Variants in PIGS observed in about 807,000 individuals in gnomAD.
PIGS encodes the protein phosphatidylinositol glycan anchor biosynthesis class S.
Under a neutral mutation model 58.2 loss-of-function variants are expected in PIGS, and 37 were observed. That is an observed-to-expected ratio of 0.64 (90% CI 0.49 to 0.84). The LOEUF is 0.84. PIGS is among the 40% of genes least tolerant of loss of function. The pLI, the probability that PIGS is intolerant of heterozygous loss-of-function variation, is 0.00. For synonymous variants in PIGS, 269 were observed against 289.2 expected (o/e 0.93, Z 0.71); for missense variants, 629 against 710.8 (o/e 0.88, Z 1.31).
intron 7 of PIGS, 77 bp from the exon 8 acceptor site, chr17:28,558,667 TAA>T: frequency 8.7e-7 from 1 of 1,152,008 alleles, no homozygotes; most frequent in Non-Finnish European, 1.3e-6. Flanking sequence ...TGAGGTGCCT[TAA>T]AAAAGACACA....
At chr17:28,563,645 A>G in intron 4 of PIGS, 123 bp from the exon 5 acceptor site, 1 of 1,211,986 alleles carries the variant, frequency 8.3e-7, no homozygotes, top group Non-Finnish European at 1.2e-6. Context: ...GGCTTGGGTA[A>G]GCCAATCAAC....
intron 4 of PIGS, 92 bp downstream of exon 4, chr17:28,563,726 G>T: frequency 7.1e-7 from 1 of 1,402,046 alleles, no homozygotes. Flanking sequence ...AGAGGTTTTG[G>T]AAGTAAGCCA....
rs769483062 is a variant in PIGS, at chr17:28,560,128, A to G, written c.740T>C (p.Ile247Thr). The change falls in exon 7 of 12, where the codon ATT becomes ACT. Residue 247 changes from isoleucine to threonine, a missense_variant. Physicochemically the swap from Ile to Thr is moderately conservative, Grantham distance 89. Transcript: ENST00000308360. ...DPKSHDVYWD[I>T]EGAVRRYVQP... is the part of the protein sequence containing the mutation. Reference sequence around the variant, plus strand: ...CACATAGCGCCGGACAGCCCCCTCAATGTCCCAGTAGACATCATGGGACTT... The same window carrying G: ...CACATAGCGCCGGACAGCCCCCTCAGTGTCCCAGTAGACATCATGGGACTT... 22 of 1,613,398 alleles carry G rather than the reference A, an allele frequency of 1.4e-5. No individual in the cohort carries two copies. The highest frequency in any genetic ancestry group is 1.3e-4 in the South Asian group (12 of 90,968).
At chr17:28,567,055 CT>C (rs2070398751) in intron 3 of PIGS, among the ~76,000 whole-genome samples, 1 of 152,144 alleles carries the variant, frequency 6.6e-6, no homozygotes, top group Non-Finnish European at 1.5e-5. Context: ...AAAGCATTAT[CT>C]TGTGACTGCT....
intron 9 of PIGS, chr17:28,556,616 G>C (rs1452012178): frequency 2.2e-5 from 15 of 695,408 alleles, no homozygotes; most frequent in African/African-American, 1.1e-4. Flanking sequence ...TAAGGGCAAA[G>C]GGTCACAGTA....
chr17:28,569,532 G>A (rs563652270), intron 3 of PIGS, among the ~76,000 whole-genome samples: 1 of 148,484 alleles, frequency 6.7e-6, no homozygotes, highest in African/African-American at 2.5e-5. Flanking sequence ...AACTAAAAAA[G>A]TAAATGGCAC....
chr17:28,566,259 A>C, intron 3 of PIGS, among the ~76,000 whole-genome samples: 2 of 134,560 alleles, frequency 1.5e-5, no homozygotes, highest in South Asian at 2.3e-4. Flanking sequence ...CCCCTTGTCT[A>C]CTTTTTCTTT....
At chr17:28,555,545 T>C in intron 10 of PIGS, 1 of 174,980 alleles carries the variant, frequency 5.7e-6, no homozygotes, top group Non-Finnish European at 1.2e-5. Flanking sequence ...GATACAGCCT[T>C]AGAATCCTCA....
At chr17:28,570,776 C>G in intron 3 of PIGS, 76 bp downstream of exon 3, 1 of 1,411,084 alleles carries the variant, frequency 7.1e-7, no homozygotes. Flanking sequence ...TTATGGTACA[C>G]CCCCGCTCCT....
chr17:28,554,611 G>T, intron 11 of PIGS, 116 bp from the exon 12 acceptor site: 4 of 1,354,118 alleles, frequency 3.0e-6, no homozygotes, highest in South Asian at 1.3e-5. Context: ...GTTCATCCAG[G>T]ATCTATGGAA....
chr17:28,555,256 A>C (rs2070319557), intron 10 of PIGS, 195 bp from the exon 11 acceptor site: 1 of 547,566 alleles, frequency 1.8e-6, no homozygotes, highest in Non-Finnish European at 3.2e-6. Context: ...ACGCTGCTTC[A>C]ACAGGTGTTT....
At chr17:28,563,292 CA>C (rs367711574) in intron 5 of PIGS, 138 bp downstream of exon 5, 29,428 of 504,062 alleles carry the variant, frequency 0.058, no homozygotes, top group South Asian at 0.084. Flanking sequence ...GACTCCGTCT[CA>C]AAAAAAAAAA....
intron 4 of PIGS, 118 bp downstream of exon 4, chr17:28,563,699 AT>A: frequency 7.9e-7 from 1 of 1,273,562 alleles, no homozygotes; most frequent in Non-Finnish European, 1.1e-6. Flanking sequence ...ACAGTTCCTC[AT>A]TCCCAGCATT....
intron 10 of PIGS, 21 bp from the exon 11 acceptor site, chr17:28,555,082 G>A (rs746102612): frequency 1.3e-6 from 2 of 1,594,604 alleles, no homozygotes; most frequent in Admixed American, 1.7e-5. Flanking sequence ...ATCGGAGTAA[G>A]ATCAAGGTGG....
At chr17:28,555,085 CA>C (rs2070318457) in intron 10 of PIGS, 24 bp from the exon 11 acceptor site, 1 of 1,590,974 alleles carries the variant, frequency 6.3e-7, no homozygotes, top group Non-Finnish European at 8.6e-7. Context: ...GGAGTAAGAT[CA>C]AGGTGGCTGA....
rs545280359 is a variant in PIGS, at chr17:28,560,418, C to T, written c.677-227G>A. ...CAGCACTTTGGGAGACTGAGGCAGA[C>T]GGATCACTTGAGGCCAGCACTTCAA... On this transcript the variant is annotated intron_variant, in intron 6 of 11. Transcript: ENST00000308360. 1.7e-4 allele frequency: 83 copies of T among 487,620 alleles called. 1 individual carries two copies. Among genetic ancestry groups the T allele is most frequent in the South Asian group, 9.1e-4 (36 of 39,558 alleles). The allele number at this position is 487,620 out of a possible 1,614,324, so 30.2% of individuals were successfully genotyped here.
intron 3 of PIGS, 134 bp downstream of exon 3, chr17:28,570,711 TGACCAAA>T: frequency 1.3e-6 from 1 of 772,658 alleles, no homozygotes; most frequent in Non-Finnish European, 2.1e-6. Flanking sequence ...AGTTTTTTTC[TGACCAAA>T]CACACTGTTC....
chr17:28,556,349 A>G lies in PIGS; in HGVS notation c.1081-83T>C, dbSNP rs140284212. ...CTAGGCACTCTGGAGAGAAAAGGAA[A>G]ACATATTCTGTGCTCTTTAGAAGCT... On this transcript the variant is annotated intron_variant, in intron 9 of 11. Transcript: ENST00000308360. 163 of 1,065,650 alleles carry G rather than the reference A, an allele frequency of 1.5e-4. 2 individuals are homozygous for G. The African/African-American group carries it at 2.1e-3, about 13-fold the overall frequency. 66.0% of individuals were successfully genotyped at this position (1,065,650 alleles called of 1,614,324 possible).
Position 28,571,033 on chromosome 17 carries a change from C to G in PIGS, c.174+16G>C, listed in dbSNP as rs1189943809. 2 of 1,614,028 alleles carry G rather than the reference C, an allele frequency of 1.2e-6. No individual in the cohort carries two copies. The highest frequency in any genetic ancestry group is 1.7e-6 in the Non-Finnish European group (2 of 1,180,030). On this transcript the variant is annotated intron_variant, in intron 2 of 11. Transcript: ENST00000308360. ...CGGGGGGGCTGTCCCCCGACCCTCC[C>G]GCACAGCAGTCTCACCTGAAGGGCA...
Sources: allele counts gnomAD v4.1 joint callset (sites outside exome capture counted in the v4.1 genomes callset), GRCh38; gene constraint gnomAD v4.1.1; transcripts MANE v1.5; gene names NCBI Gene and HGNC (gene_info 2026-07-23, HGNC 2026-07-21).